Variants in USP7 observed in about 807,000 individuals in gnomAD.
USP7 encodes ubiquitin specific peptidase 7.
USP7 carries 9 observed loss-of-function variants against 162.9 expected under a neutral mutation model. The observed-to-expected ratio is 0.06, with a 90% confidence interval of 0.03 to 0.10. The LOEUF is 0.10. Ranked by LOEUF, USP7 falls within the 10% of genes least tolerant of loss-of-function variation. USP7 has a pLI of 1.00. For missense variants in USP7, 715 were observed against 1,373.7 expected (o/e 0.52, Z 7.58); for synonymous variants, 562 against 475.9 (o/e 1.18, Z -2.35).
intron 13 of USP7, 57 bp downstream of exon 13, chr16:8,906,369 A>C: frequency 3.8e-6 from 6 of 1,575,454 alleles, no homozygotes; most frequent in Non-Finnish European, 5.2e-6. Flanking sequence ...AGGCTGAAGC[A>C]GAGCTTGTGT....
intron 5 of USP7, among the ~76,000 whole-genome samples, chr16:8,919,808 C>T (rs887589314): frequency 6.6e-6 from 1 of 151,962 alleles, no homozygotes; most frequent in Non-Finnish European, 1.5e-5. Context: ...CGTCACCAAG[C>T]GGGACCAGTG....
intron 1 of USP7, among the ~76,000 whole-genome samples, chr16:8,962,285 A>G (rs1281256355): frequency 6.6e-6 from 1 of 152,236 alleles, no homozygotes; most frequent in African/African-American, 2.4e-5. Context: ...AACTTTTTAA[A>G]GACCATTTGG....
chr16:8,930,287 A>G lies in USP7; in HGVS notation c.184+6T>C, dbSNP rs1325214073. The G allele has an allele frequency of 1.2e-6, 2 of 1,608,004 alleles. No homozygotes were observed. Among genetic ancestry groups the G allele is most frequent in the Non-Finnish European group, 1.7e-6 (2 of 1,176,944 alleles). The stretch of plus-strand genomic sequence containing the variant: ...CACTGCGAGGCGGTGAACCACAGGC[A>G]CTTACCATCCTCCATGTCCTCCTCC... On this transcript the variant is annotated splice_donor_region_variant and intron_variant, in intron 2 of 30. Coordinates refer to ENST00000344836, the MANE Select transcript of USP7 (RefSeq NM_003470.3).
intron 25 of USP7, 76 bp downstream of exon 25, chr16:8,898,284 T>C: frequency 8.0e-7 from 1 of 1,244,816 alleles, no homozygotes; most frequent in Non-Finnish European, 1.1e-6. Flanking sequence ...GTCTTAGTTT[T>C]CAATGTCTGG....
chr16:8,959,369 A>G (rs980967110), intron 1 of USP7, among the ~76,000 whole-genome samples: 1 of 151,888 alleles, frequency 6.6e-6, no homozygotes, highest in African/African-American at 2.4e-5. Flanking sequence ...AAAAAAAAAA[A>G]AGGATACCTT....
chr16:8,892,874 A>T lies in USP7; in HGVS notation c.*1124T>A, dbSNP rs2061620315. The T allele has an allele frequency of 6.6e-6, 1 of 152,254 alleles. No homozygotes were observed. Among genetic ancestry groups the T allele is most frequent in the South Asian group, 2.1e-4 (1 of 4,834 alleles). The allele number at this position is 152,254 out of a possible 1,614,324, so 9.4% of individuals were successfully genotyped here. Reference sequence around the variant, plus strand: ...ACACTGCTCCCACAGAAACAACCCAAAAAATACCGGAAAAGGATGAAAAAT... The same window carrying T: ...ACACTGCTCCCACAGAAACAACCCATAAAATACCGGAAAAGGATGAAAAAT... On this transcript the variant is annotated 3_prime_UTR_variant, in exon 31 of 31. Transcript: ENST00000344836.
rs1555461632 is a variant in USP7, at chr16:8,897,698, C to CCAAAAAAA, written c.2719-600_2719-599insTTTTTTTG. 2.0e-4 allele frequency among the ~76,000 whole-genome samples: 7 copies of CCAAAAAAA among 35,604 alleles called. 1 individual carries two copies. The highest frequency in any genetic ancestry group is 8.3e-4 in the African/African-American group (7 of 8,422). The allele number at this position is 35,604 out of a possible 152,430, so 23.4% of individuals were successfully genotyped here. A position where few individuals can be genotyped will look rare whatever the true frequency, so the allele number is the denominator to read the frequency against. On this transcript the variant is annotated intron_variant, in intron 25 of 30. Transcript: ENST00000344836. The stretch of plus-strand genomic sequence containing the variant: ...GCAATATAGTGAGACCCTGTCTCTA[C>CCAAAAAAA]AAAAAAAAAAAAAAAAAAAAAAAAA...
intron 2 of USP7, among the ~76,000 whole-genome samples, chr16:8,925,682 GAC>G (rs935782067): frequency 2.6e-5 from 4 of 152,270 alleles, no homozygotes; most frequent in Non-Finnish European, 5.9e-5. Context: ...GCACTGCCCT[GAC>G]ACACAGTGGT....
chr16:8,897,726 A>AAAAAAAAATAT (rs1555461671), intron 25 of USP7, among the ~76,000 whole-genome samples: 6 of 7,134 alleles, frequency 8.4e-4, no homozygotes, highest in African/African-American at 5.6e-4. Context: ...AAAAAAAAAA[A>AAAAAAAAATAT]ATATATATAT....
intron 1 of USP7, among the ~76,000 whole-genome samples, chr16:8,938,079 G>C (rs889912838): frequency 6.6e-6 from 1 of 152,118 alleles, no homozygotes; most frequent in South Asian, 2.1e-4. Context: ...CCAGACCAGG[G>C]TCACAGCTGG....
chr16:8,897,008 C>T lies in USP7; in HGVS notation c.2810G>A (p.Gly937Glu). ...CTCAAGAAATACTTGCCTAAGTTTC[C>T]CTGATGCTTTCTCCCCAAGCTCCAC... ...KAVELGEKAS[G>E]KLRLLEIVSY... The change falls in exon 26 of 31, where the codon GGG (glycine) becomes GAG (glutamate). Residue 937 changes from glycine to glutamate, a missense_variant. By Grantham distance (98) the Gly-to-Glu change is moderately conservative. Around this residue, in one of 11 missense-constraint regions of USP7, gnomAD observed 222 missense variants for 441.7 expected, o/e 0.50. Coordinates refer to ENST00000344836, the MANE Select transcript of USP7 (RefSeq NM_003470.3). The T allele has an allele frequency of 6.2e-7, 1 of 1,613,848 alleles. No homozygotes were observed. The highest frequency in any genetic ancestry group is 8.5e-7 in the Non-Finnish European group (1 of 1,179,734).
rs1900114694 is a variant in USP7, at chr16:8,963,680, A to C, written c.-395T>G. On this transcript the variant is annotated 5_prime_UTR_variant, in exon 1 of 31. Transcript: ENST00000344836. ...GCGGCCGGTCGGGGGCCGCGGAGTCAGCCCCGCCTCGGGCCGGGCGCGGCG... is the reference window on the plus strand; with the variant it reads ...GCGGCCGGTCGGGGGCCGCGGAGTCCGCCCCGCCTCGGGCCGGGCGCGGCG... 7.2e-6 allele frequency among the ~76,000 whole-genome samples: 1 copy of C among 139,294 alleles called. No individual in the cohort carries two copies. Among genetic ancestry groups the C allele is most frequent in the Admixed American group, 7.0e-5 (1 of 14,244 alleles). The allele number at this position is 139,294 out of a possible 152,430, so 91.4% of individuals were successfully genotyped here. A position where few individuals can be genotyped will look rare whatever the true frequency, so the allele number is the denominator to read the frequency against.
intron 6 of USP7, among the ~76,000 whole-genome samples, chr16:8,917,565 G>A (rs892589044): frequency 5.3e-5 from 8 of 152,098 alleles, no homozygotes; most frequent in African/African-American, 1.9e-4. Flanking sequence ...TTTCAGGAGA[G>A]ACAGGGTTTT....
intron 25 of USP7, 129 bp from the exon 26 acceptor site, chr16:8,897,228 C>CA: frequency 1.4e-6 from 1 of 697,794 alleles, no homozygotes; most frequent in Non-Finnish European, 2.5e-6. Context: ...TTCTTGCTCT[C>CA]ATTCCCACCC....
At chr16:8,907,580 G>A (rs2061880396) in intron 12 of USP7, among the ~76,000 whole-genome samples, 1 of 152,232 alleles carries the variant, frequency 6.6e-6, no homozygotes, top group South Asian at 2.1e-4. Flanking sequence ...TTGTGGCCGG[G>A]TGTGGTGGTT....
chr16:8,901,045 G>C lies in USP7; in HGVS notation c.2153C>G (p.Pro718Arg). The change falls in exon 20 of 31, where the codon CCA becomes CGA. Residue 718 changes from proline to arginine, a missense_variant. Pro to Arg is a moderately radical substitution (Grantham distance 103). This residue lies in a region of USP7 where 197 missense variants were observed against 306.5 expected (regional missense o/e 0.64). Transcript: ENST00000344836. ...PISCKIRDLLPVMCDRAGFIQ... is the reference protein window; with the variant it reads ...PISCKIRDLLRVMCDRAGFIQ... Reference sequence around the variant, plus strand: ...AAATCCTGCTCTGTCACACATAACTGGGAGCAAGTCACCTAGGAGAAAGAA... The same window carrying C: ...AAATCCTGCTCTGTCACACATAACTCGGAGCAAGTCACCTAGGAGAAAGAA... The C allele has an allele frequency of 6.2e-7, 1 of 1,614,044 alleles. No homozygotes were observed. The highest frequency in any genetic ancestry group is 8.5e-7 in the Non-Finnish European group (1 of 1,180,004).
At chr16:8,924,772 T>C (rs926141746) in intron 2 of USP7, among the ~76,000 whole-genome samples, 4 of 152,240 alleles carry the variant, frequency 2.6e-5, no homozygotes, top group African/African-American at 7.2e-5. Flanking sequence ...GGGAGGGTAG[T>C]ATTGAAATAT....
chr16:8,903,210 G>C (rs1417963251), intron 16 of USP7, 58 bp downstream of exon 16: 1 of 1,576,966 alleles, frequency 6.3e-7, no homozygotes, highest in African/African-American at 1.4e-5. Context: ...CTAGTGACAC[G>C]GAAGGAAGGT....
At chr16:8,898,240 T>A (rs1644746039) in intron 25 of USP7, 120 bp downstream of exon 25, 1 of 863,886 alleles carries the variant, frequency 1.2e-6, no homozygotes, top group Admixed American at 2.3e-5. Flanking sequence ...CCAGCCCCCA[T>A]CATGTGCTGT....
Sources: allele counts gnomAD v4.1 joint callset (sites outside exome capture counted in the v4.1 genomes callset), GRCh38; gene constraint gnomAD v4.1.1; regional missense constraint gnomAD v4.1.1; transcripts MANE v1.5; gene names NCBI Gene and HGNC (gene_info 2026-07-23, HGNC 2026-07-21).